The following ZNF91 variants were observed in gnomAD, a reference collection of about 807,000 sequenced individuals.
ZNF91 encodes the protein zinc finger protein 91.
ZNF91 carries 7 observed loss-of-function variants against 12.6 expected under a neutral mutation model. The ratio of observed to expected loss-of-function variants is 0.55; its 90% CI spans 0.31 to 1.04. The LOEUF is 1.04. Ranked by LOEUF, ZNF91 falls within the 50% of genes least tolerant of loss-of-function variation. The pLI, the probability that ZNF91 is intolerant of heterozygous loss-of-function variation, is 0.05. For missense variants in ZNF91, 1,217 were observed against 1,385.4 expected (o/e 0.88, Z 1.93); for synonymous variants, 453 against 462.6 (o/e 0.98, Z 0.27).
At chr19:23,353,520 A>G (rs965539638), downstream of ZNF91, among the ~76,000 whole-genome samples, 6 of 152,200 alleles carry the variant, frequency 3.9e-5, no homozygotes, top group African/African-American at 9.6e-5. Flanking sequence ...GCAAAAACGG[A>G]AAATCTAAGG....
rs1489162284 is a variant in ZNF91, at chr19:23,361,177, G to C, written c.1802C>G (p.Ser601Cys). 6.2e-7 allele frequency: 1 copy of C among 1,613,498 alleles called. No individual in the cohort carries two copies. Among genetic ancestry groups the C allele is most frequent in the Non-Finnish European group, 8.5e-7 (1 of 1,179,792 alleles). ...TTTGCCACATTCTTCACACTTGTAA[G>C]ACTTCTCTCCAGTATGAATTATCTT... The part of the protein sequence containing the change: ...THKIIHTGEK[S>C]YKCEECGKAF... The change falls in exon 4 of 4, where the codon TCT (serine) becomes TGT (cysteine). Residue 601 changes from serine (S) to cysteine (C), a missense_variant. Around this residue, in one of 2 missense-constraint regions of ZNF91, gnomAD observed 726 missense variants for 895.5 expected, o/e 0.81. Transcript: ENST00000300619.
chr19:23,382,227 ATTTTC>A (rs958280344), intron 1 of ZNF91, among the ~76,000 whole-genome samples: 7 of 152,122 alleles, frequency 4.6e-5, no homozygotes, highest in African/African-American at 1.7e-4. Context: ...TCTAATTTAT[ATTTTC>A]TTTTACAACA....
At chr19:23,327,779 C>A (rs1474502970) in intron 1 of ZNF91, 1 of 152,090 alleles carries the variant, frequency 6.6e-6, no homozygotes, top group Non-Finnish European at 1.5e-5. Flanking sequence ...ACAACCCGAA[C>A]AGGTTTTCTG....
chr19:23,370,308 G>A (rs1969223487), intron 3 of ZNF91, among the ~76,000 whole-genome samples: 1 of 152,036 alleles, frequency 6.6e-6, no homozygotes, highest in Admixed American at 6.6e-5. Flanking sequence ...AACGATAAAT[G>A]TTATGATTTC....
chr19:23,394,973 T>A (rs1970184801), intron 1 of ZNF91, among the ~76,000 whole-genome samples: 1 of 152,126 alleles, frequency 6.6e-6, no homozygotes, highest in African/African-American at 2.4e-5. Context: ...CGGACTAAAG[T>A]GCTTCCTATT....
intron 1 of ZNF91, among the ~76,000 whole-genome samples, chr19:23,323,537 CCTTTTT>C (rs1461629602): frequency 2.7e-5 from 4 of 150,120 alleles, no homozygotes; most frequent in Non-Finnish European, 4.4e-5. Flanking sequence ...TCCTCCTTTT[CCTTTTT>C]CTCTCCTCTT....
chr19:23,362,834 G>T, intron 3 of ZNF91, 109 bp from the exon 4 acceptor site: 1 of 1,259,456 alleles, frequency 7.9e-7, no homozygotes. Flanking sequence ...AAACAATATG[G>T]CACTGCAAAA....
At chr19:23,320,755 GC>G (rs1333190462) in intron 1 of ZNF91, among the ~76,000 whole-genome samples, 104 of 152,186 alleles carry the variant, frequency 6.8e-4, no homozygotes, top group Non-Finnish European at 7.3e-5. Flanking sequence ...TACTAACAGA[GC>G]CCAGCTCAAA....
At chr19:23,357,237 A>AAAC (rs71163489), downstream of ZNF91, among the ~76,000 whole-genome samples, 8 of 151,636 alleles carry the variant, frequency 5.3e-5, no homozygotes, top group East Asian at 1.9e-4. Flanking sequence ...AAAAACAAAC[A>AAAC]AACAACAACA....
At chr19:23,390,033 C>T (rs1008802357) in intron 1 of ZNF91, among the ~76,000 whole-genome samples, 8 of 152,082 alleles carry the variant, frequency 5.3e-5, no homozygotes, top group South Asian at 2.1e-4. Flanking sequence ...AGATACAACC[C>T]GGGACAGGCG....
At chr19:23,377,337 A>C (rs1969539310) in intron 1 of ZNF91, among the ~76,000 whole-genome samples, 1 of 152,218 alleles carries the variant, frequency 6.6e-6, no homozygotes, top group Admixed American at 6.5e-5. Context: ...ATTAAACAGA[A>C]ACTGTGAAAA....
chr19:23,388,665 A>G (rs1276118353), intron 1 of ZNF91, among the ~76,000 whole-genome samples: 1 of 152,154 alleles, frequency 6.6e-6, no homozygotes, highest in Non-Finnish European at 1.5e-5. Context: ...TGAGGTCAGG[A>G]GTTGGAGACC....
intron 3 of ZNF91, among the ~76,000 whole-genome samples, chr19:23,342,736 A>G (rs991711295): frequency 6.6e-6 from 1 of 152,198 alleles, no homozygotes; most frequent in Non-Finnish European, 1.5e-5. Context: ...GCCTGATGGT[A>G]TATTAGAAAA....
At chr19:23,322,784 T>C (rs1397909087) in intron 1 of ZNF91, among the ~76,000 whole-genome samples, 2 of 115,740 alleles carry the variant, frequency 1.7e-5, no homozygotes, top group Admixed American at 9.4e-5. Context: ...CCCCTCTTCT[T>C]CCTCACCTCC....
chr19:23,323,801 CTT>C (rs1967776340), intron 1 of ZNF91, among the ~76,000 whole-genome samples: 2 of 150,694 alleles, frequency 1.3e-5, no homozygotes, highest in Admixed American at 6.6e-5. Context: ...TCCTTCTCCT[CTT>C]TTTCTACTCC....
At chr19:23,380,357 A>G (rs1969667263) in intron 1 of ZNF91, 1 of 146,634 alleles carries the variant, frequency 6.8e-6, no homozygotes, top group Admixed American at 7.0e-5. Flanking sequence ...GTAGAATCGC[A>G]CCTTCACAAT....
chr19:23,348,222 T>C (rs1968277160), intron 3 of ZNF91, among the ~76,000 whole-genome samples: 1 of 152,208 alleles, frequency 6.6e-6, no homozygotes, highest in Non-Finnish European at 1.5e-5. Context: ...TGAGATTCTG[T>C]GCAACACCAA....
At chr19:23,352,996 A>G (rs1353616519), downstream of ZNF91, among the ~76,000 whole-genome samples, 2 of 152,250 alleles carry the variant, frequency 1.3e-5, no homozygotes, top group East Asian at 3.8e-4. Flanking sequence ...GATAGACAGC[A>G]ACACTGTAAT....
At chr19:23,332,510 G>A (rs528830271) in intron 1 of ZNF91, among the ~76,000 whole-genome samples, 41 of 145,646 alleles carry the variant, frequency 2.8e-4, no homozygotes, top group African/African-American at 1.2e-3. Context: ...TCTGACCCCT[G>A]CCGGACTACC....
Sources: allele counts gnomAD v4.1 joint callset (sites outside exome capture counted in the v4.1 genomes callset), GRCh38; gene constraint gnomAD v4.1.1; regional missense constraint gnomAD v4.1.1; transcripts MANE v1.5; gene names NCBI Gene and HGNC (gene_info 2026-07-23, HGNC 2026-07-21).